CSMD1: variants seen among roughly 807,000 people sequenced by gnomAD.
The protein encoded by CSMD1 is CUB and sushi domain-containing protein 1.
In CSMD1, 213 loss-of-function variants were observed where a neutral mutation model predicts 417.5. The ratio of observed to expected loss-of-function variants is 0.51; its 90% confidence interval spans 0.46 to 0.57. The LOEUF (loss-of-function observed/expected upper bound fraction) is 0.57, where lower values mean the gene tolerates loss of function less well. CSMD1 is among the 20% of genes least tolerant of loss of function. The pLI, the probability that CSMD1 is intolerant of heterozygous loss-of-function variation, is 0.00. For synonymous variants in CSMD1, 2,862 were observed against 1,736.8 expected, an observed-to-expected ratio of 1.65 and a Z score of -16.11; for missense variants, 6,923 against 4,529.7, an observed-to-expected ratio of 1.53 and a Z score of -15.17.
chr8:4,684,947 T>C (rs761835801), intron 1 of CSMD1, among the ~76,000 whole-genome samples: 2 of 152,170 alleles, frequency 1.3e-5, no homozygotes, highest in Non-Finnish European at 2.9e-5. Flanking sequence ...TTGCTCCCAA[T>C]TGCTGAAATG....
chr8:3,730,842 A>G (rs76012602), intron 6 of CSMD1, among the ~76,000 whole-genome samples: 3,455 of 152,322 alleles, frequency 0.023, 73 homozygotes, highest in Non-Finnish European at 0.031. Context: ...GCCAGATATT[A>G]GGAAATTATG....
At chr8:3,252,977 C>A (rs762541398) in intron 26 of CSMD1, among the ~76,000 whole-genome samples, 6 of 152,080 alleles carry the variant, frequency 3.9e-5, no homozygotes, top group Non-Finnish European at 8.8e-5. Context: ...GTTTTGCTAG[C>A]AGTCTATCAA....
At chr8:4,070,768 T>C (rs1046434137) in intron 3 of CSMD1, among the ~76,000 whole-genome samples, 1 of 152,218 alleles carries the variant, frequency 6.6e-6, no homozygotes, top group Non-Finnish European at 1.5e-5. Flanking sequence ...AGCCTGTCAC[T>C]GACACCCTCT....
intron 4 of CSMD1, among the ~76,000 whole-genome samples, chr8:4,005,989 T>C (rs1049340615): frequency 4.6e-5 from 7 of 152,162 alleles, no homozygotes; most frequent in African/African-American, 1.7e-4. Flanking sequence ...TCTACTAGAA[T>C]GAGCAGAGAA....
At chr8:3,423,304 T>C (rs1813613259) in intron 12 of CSMD1, among the ~76,000 whole-genome samples, 1 of 152,152 alleles carries the variant, frequency 6.6e-6, no homozygotes, top group Non-Finnish European at 1.5e-5. Flanking sequence ...TCCTCCACAA[T>C]TTCCTCCATA....
At chr8:4,164,233 A>G (rs1584940073) in intron 3 of CSMD1, among the ~76,000 whole-genome samples, 1 of 152,212 alleles carries the variant, frequency 6.6e-6, no homozygotes, top group Admixed American at 6.5e-5. Flanking sequence ...TGAAATATAC[A>G]AAAGTTAGAA....
chr8:3,015,420 GTTGTT>G (rs575191590), intron 52 of CSMD1, among the ~76,000 whole-genome samples: 225 of 152,008 alleles, frequency 1.5e-3, no homozygotes, highest in African/African-American at 5.1e-3. Context: ...AGTTTTGGGG[GTTGTT>G]TTGTTTTGTC....
chr8:4,714,232 C>T (rs1475967298), intron 1 of CSMD1, among the ~76,000 whole-genome samples: 1 of 152,156 alleles, frequency 6.6e-6, no homozygotes, highest in Non-Finnish European at 1.5e-5. Context: ...TGTCATTCCG[C>T]CACCTCCCTG....
intron 15 of CSMD1, among the ~76,000 whole-genome samples, chr8:3,401,906 G>A (rs921184445): frequency 2.7e-5 from 4 of 150,418 alleles, no homozygotes; most frequent in Admixed American, 1.3e-4. Flanking sequence ...AACAAAAAAA[G>A]CAAATATACC....
chr8:4,242,150 A>C (rs1332885777), intron 3 of CSMD1, among the ~76,000 whole-genome samples: 5 of 152,312 alleles, frequency 3.3e-5, no homozygotes, highest in South Asian at 4.1e-4. Context: ...GCATATATCC[A>C]CCAAATTAGA....
At chr8:4,091,233 A>G (rs906280479) in intron 3 of CSMD1, among the ~76,000 whole-genome samples, 10 of 152,124 alleles carry the variant, frequency 6.6e-5, no homozygotes, top group African/African-American at 2.4e-4. Context: ...GCAGTCTTAA[A>G]GGTGAATAAT....
rs141418019 is a variant in CSMD1 at position 2,979,063 on chromosome 8, C to T, written c.8378-263G>A. Among the ~76,000 whole-genome samples, 115 of 152,248 alleles carry T rather than the reference C, an allele frequency of 7.6e-4. 2 individuals carry two copies. Among genetic ancestry groups the T allele is most frequent in the Non-Finnish European group, 3.7e-4 (25 of 68,020 alleles). ...CTATTTCCTAGTAATGTTTATTCAA[C>T]GTAAATTCTGAAGTTAGTTTCCTTG... On this transcript the variant is annotated intron_variant, in intron 54 of 69. Transcript: ENST00000635120.
chr8:4,088,906 A>G (rs879579667), intron 3 of CSMD1, among the ~76,000 whole-genome samples: 2 of 152,052 alleles, frequency 1.3e-5, no homozygotes, highest in Admixed American at 1.3e-4. Context: ...ACTCATTTTT[A>G]TATTCAGCGA....
At chr8:4,720,258 A>G (rs1808967730) in intron 1 of CSMD1, among the ~76,000 whole-genome samples, 1 of 151,836 alleles carries the variant, frequency 6.6e-6, no homozygotes, top group Non-Finnish European at 1.5e-5. Context: ...CATTTTTGGA[A>G]AAGTTGGAAA....
chr8:3,941,676 G>A (rs559178195), intron 5 of CSMD1, among the ~76,000 whole-genome samples: 2 of 152,140 alleles, frequency 1.3e-5, no homozygotes, highest in African/African-American at 2.4e-5. Context: ...CGCAGAGTTT[G>A]ACTAGAATGT....
intron 3 of CSMD1, among the ~76,000 whole-genome samples, chr8:4,360,789 C>G (rs1267127184): frequency 6.6e-6 from 1 of 152,082 alleles, no homozygotes; most frequent in Non-Finnish European, 1.5e-5. Context: ...CCACTGCACC[C>G]GGCCCCTCGG....
chr8:3,564,548 T>TGTGTGTGTGTGTGC (rs1351897386), intron 10 of CSMD1, among the ~76,000 whole-genome samples: 63 of 152,052 alleles, frequency 4.1e-4, no homozygotes, highest in African/African-American at 1.4e-3. Flanking sequence ...TGTGTGTGTG[T>TGTGTGTGTGTGTGC]GTATAATACA....
At chr8:3,762,640 T>A (rs1388864742) in intron 5 of CSMD1, among the ~76,000 whole-genome samples, 1 of 152,184 alleles carries the variant, frequency 6.6e-6, no homozygotes, top group Non-Finnish European at 1.5e-5. Flanking sequence ...GTGGAAGGTA[T>A]AATCGCCCTG....
chr8:3,940,369 T>C (rs1208266362), intron 5 of CSMD1, among the ~76,000 whole-genome samples: 2 of 152,086 alleles, frequency 1.3e-5, no homozygotes, highest in Non-Finnish European at 2.9e-5. Flanking sequence ...GGGAAAACAG[T>C]ATGTTATTTT....
Sources: gnomAD v4.1 joint callset for allele counts (sites outside exome capture counted in the v4.1 genomes callset) on GRCh38, gnomAD v4.1.1 for gene constraint, MANE v1.5 for transcripts, NCBI Gene and HGNC (gene_info 2026-07-23, HGNC 2026-07-21) for gene names.